CDKAL1: variants seen among roughly 807,000 people sequenced by gnomAD.
CDKAL1 encodes the protein threonylcarbamoyladenosine tRNA methylthiotransferase.
Under a neutral mutation model 68.2 loss-of-function variants are expected in CDKAL1, and 32 were observed. That is an observed-to-expected ratio of 0.47 (90% CI 0.35 to 0.63). CDKAL1 has a LOEUF of 0.63. Ranked by LOEUF, CDKAL1 falls within the 30% of genes least tolerant of loss-of-function variation. The pLI, the probability that CDKAL1 is intolerant of heterozygous loss-of-function variation, is 0.00. For synonymous variants in CDKAL1, 234 were observed against 244.3 expected (o/e 0.96, Z 0.39); for missense variants, 606 against 696.7 (o/e 0.87, Z 1.47).
At chr6:20,817,243 A>G (rs965851273) in intron 8 of CDKAL1, among the ~76,000 whole-genome samples, 3 of 152,146 alleles carry the variant, frequency 2.0e-5, no homozygotes, top group African/African-American at 7.2e-5. Context: ...AGTGTAAAAA[A>G]TAGGAAATAT....
At chr6:20,821,099 C>A (rs1777259073) in intron 8 of CDKAL1, among the ~76,000 whole-genome samples, 1 of 151,916 alleles carries the variant, frequency 6.6e-6, no homozygotes, top group Non-Finnish European at 1.5e-5. Context: ...CCACTATGAG[C>A]AGAGTGTTTG....
intron 5 of CDKAL1, among the ~76,000 whole-genome samples, chr6:20,738,855 G>C (rs544117947): frequency 6.6e-6 from 1 of 152,230 alleles, no homozygotes; most frequent in Non-Finnish European, 1.5e-5. Flanking sequence ...TTCACATCTA[G>C]GTTTCTGTAA....
intron 11 of CDKAL1, among the ~76,000 whole-genome samples, chr6:21,035,261 G>A (rs559134012): frequency 2.6e-5 from 4 of 152,084 alleles, no homozygotes; most frequent in African/African-American, 4.8e-5. Flanking sequence ...AATGACTGGA[G>A]ACTGGGCCTG....
At chr6:20,786,300 T>C (rs933010808) in intron 8 of CDKAL1, among the ~76,000 whole-genome samples, 2 of 152,040 alleles carry the variant, frequency 1.3e-5, no homozygotes, top group Non-Finnish European at 2.9e-5. Flanking sequence ...AATTTCAGAT[T>C]GTATAAATTT....
chr6:20,613,035 A>G lies in CDKAL1; in HGVS notation c.287-36258A>G, dbSNP rs537734518. On this transcript the variant is annotated intron_variant, in intron 4 of 15. Transcript: ENST00000274695. ...CACACACACACACACACACACACAC[A>G]CACACACACAAAGGGTATGGATTTA... Among the ~76,000 whole-genome samples the G allele has an allele frequency of 1.2e-3, 161 of 132,532 alleles. 1 individual carries two copies. Among genetic ancestry groups the G allele is most frequent in the African/African-American group, 4.6e-3 (154 of 33,356 alleles). The allele number at this position is 132,532 out of a possible 152,430, so 86.9% of individuals were successfully genotyped here. A position where few individuals can be genotyped will look rare whatever the true frequency, so the allele number is the denominator to read the frequency against.
intron 8 of CDKAL1, among the ~76,000 whole-genome samples, chr6:20,786,494 CTTT>C (rs1197574844): frequency 2.5e-5 from 2 of 80,728 alleles, no homozygotes; most frequent in Non-Finnish European, 2.2e-5. Flanking sequence ...TTTTTCTTAT[CTTT>C]TTTTTTTTTT....
chr6:20,932,995 G>C (rs552285309), intron 9 of CDKAL1, among the ~76,000 whole-genome samples: 9 of 152,238 alleles, frequency 5.9e-5, no homozygotes, highest in African/African-American at 2.2e-4. Context: ...TAAGTAACTT[G>C]TCCAGACATT....
chr6:20,898,810 T>C (rs1200664883), intron 9 of CDKAL1, among the ~76,000 whole-genome samples: 5 of 152,198 alleles, frequency 3.3e-5, no homozygotes, highest in Non-Finnish European at 1.5e-5. Context: ...TTAAAGCTTT[T>C]ATAAAATAAT....
chr6:20,667,751 G>T (rs1769620855), intron 5 of CDKAL1, among the ~76,000 whole-genome samples: 1 of 152,032 alleles, frequency 6.6e-6, no homozygotes, highest in Admixed American at 6.6e-5. Flanking sequence ...TTTCCTGTGT[G>T]TACTTTTCTG....
chr6:20,744,117 A>G (rs746458319), intron 6 of CDKAL1, among the ~76,000 whole-genome samples: 5 of 152,210 alleles, frequency 3.3e-5, no homozygotes, highest in African/African-American at 4.8e-5. Context: ...TTTTCATGCA[A>G]TGCCATTTTT....
intron 8 of CDKAL1, among the ~76,000 whole-genome samples, chr6:20,798,774 GA>G (rs1776224101): frequency 7.9e-6 from 1 of 125,914 alleles, no homozygotes; most frequent in African/African-American, 2.9e-5. Context: ...GGGATGGGGG[GA>G]GGGGGGAGGG....
chr6:20,895,033 G>A (rs1353422234), intron 9 of CDKAL1, among the ~76,000 whole-genome samples: 2 of 152,054 alleles, frequency 1.3e-5, no homozygotes, highest in Admixed American at 6.5e-5. Context: ...TGCTCTACCA[G>A]AAGTAACTGC....
intron 10 of CDKAL1, among the ~76,000 whole-genome samples, chr6:20,990,277 A>G (rs1241228743): frequency 6.6e-6 from 1 of 152,180 alleles, no homozygotes; most frequent in Non-Finnish European, 1.5e-5. Flanking sequence ...TAAAACACTG[A>G]TAATATTAGT....
At chr6:20,761,320 G>T (rs1581528854) in intron 7 of CDKAL1, among the ~76,000 whole-genome samples, 2 of 152,170 alleles carry the variant, frequency 1.3e-5, no homozygotes, top group Admixed American at 1.3e-4. Context: ...CTCATTTATT[G>T]CTGGTGGTAA....
At chr6:20,574,319 T>C (rs2127681817) in intron 4 of CDKAL1, among the ~76,000 whole-genome samples, 1 of 152,272 alleles carries the variant, frequency 6.6e-6, no homozygotes, top group Non-Finnish European at 1.5e-5. Context: ...AAACAGAGCC[T>C]CTCAGAAAGT....
chr6:21,139,393 T>G (rs143382601), intron 13 of CDKAL1, among the ~76,000 whole-genome samples: 8 of 152,320 alleles, frequency 5.3e-5, no homozygotes, highest in African/African-American at 1.9e-4. Flanking sequence ...ACAGCAGAAC[T>G]ACTAGCTACA....
At chr6:20,686,411 G>A (rs1770625845) in intron 5 of CDKAL1, among the ~76,000 whole-genome samples, 1 of 152,076 alleles carries the variant, frequency 6.6e-6, no homozygotes, top group South Asian at 2.1e-4. Context: ...ATTCTCACAG[G>A]AGCACGAACC....
At chr6:20,862,781 C>G (rs1759714326) in intron 9 of CDKAL1, among the ~76,000 whole-genome samples, 1 of 148,266 alleles carries the variant, frequency 6.7e-6, no homozygotes, top group Admixed American at 6.6e-5. Context: ...AATCCCAGCA[C>G]TTTGGGAGGC....
At chr6:21,027,537 A>C (rs1424791199) in intron 11 of CDKAL1, among the ~76,000 whole-genome samples, 2 of 152,200 alleles carry the variant, frequency 1.3e-5, no homozygotes. Flanking sequence ...AGAGAGATTT[A>C]AGTGATCACC....
Sources: gnomAD v4.1 joint callset for allele counts (sites outside exome capture counted in the v4.1 genomes callset) on GRCh38, gnomAD v4.1.1 for gene constraint, MANE v1.5 for transcripts, NCBI Gene and HGNC (gene_info 2026-07-23, HGNC 2026-07-21) for gene names.